The following MRE11 variants were observed in gnomAD, a reference collection of about 807,000 sequenced individuals.
The protein encoded by MRE11 is MRE11 double strand break repair nuclease.
MRE11 carries 62 observed loss-of-function variants against 91.7 expected under a neutral mutation model. That is an observed-to-expected ratio of 0.68 (90% CI 0.55 to 0.84). The LOEUF (loss-of-function observed/expected upper bound fraction) is 0.84, where lower values mean the gene tolerates loss of function less well. Among genes scored for constraint, MRE11 ranks in the 40% least tolerant of loss-of-function variants. The pLI, the probability that MRE11 is intolerant of heterozygous loss-of-function variation, is 0.00. For missense variants in MRE11, 796 were observed against 852.9 expected (o/e 0.93, Z 0.83); for synonymous variants, 273 against 271.4 (o/e 1.01, Z -0.06).
intron 2 of MRE11, among the ~76,000 whole-genome samples, 159 bp from the exon 3 acceptor site, chr11:94,491,124 T>C (rs965165896): frequency 6.6e-6 from 1 of 152,188 alleles, no homozygotes; most frequent in Admixed American, 6.5e-5. Flanking sequence ...TATTCAACGT[T>C]ATCATTAACA....
At chr11:94,464,296 A>C in intron 10 of MRE11, 57 bp from the exon 11 acceptor site, 1 of 1,605,520 alleles carries the variant, frequency 6.2e-7, no homozygotes. Context: ...CAATTTTTAA[A>C]ACACACACTA....
chr11:94,486,955 A>G (rs1947156941), intron 3 of MRE11, among the ~76,000 whole-genome samples: 2 of 152,240 alleles, frequency 1.3e-5, no homozygotes, highest in Non-Finnish European at 2.9e-5. Context: ...CAAGGTATAG[A>G]TCACTGTGCG....
intron 3 of MRE11, among the ~76,000 whole-genome samples, chr11:94,489,825 T>C (rs1947240205): frequency 1.3e-5 from 2 of 152,190 alleles, no homozygotes; most frequent in African/African-American, 4.8e-5. Flanking sequence ...TCTAAGTTTG[T>C]CGAAATCAAA....
chr11:94,445,845 G>C lies in MRE11; in HGVS notation c.1832C>G (p.Ala611Gly). The change falls in exon 16 of 20, where the codon GCT becomes GGT. Residue 611 changes from alanine to glycine, a missense_variant. Ala to Gly is a moderately conservative substitution (Grantham distance 60). Transcript: ENST00000323929. ...AGACATATTTCTAGATGCTGACACAGCAGTCTTTGAGTTCCTGCTACGGGT... is the reference window on the plus strand; with the variant it reads ...AGACATATTTCTAGATGCTGACACACCAGTCTTTGAGTTCCTGCTACGGGT... The part of the protein sequence containing the change: ...TSTRSRNSKT[A>G]VSASRNMSII... The C allele has an allele frequency of 1.2e-6, 2 of 1,613,502 alleles. No homozygotes were observed. Among genetic ancestry groups the C allele is most frequent in the South Asian group, 2.2e-5 (2 of 91,066 alleles).
At chr11:94,493,328 G>A (rs1183683770) in intron 1 of MRE11, among the ~76,000 whole-genome samples, 1 of 152,246 alleles carries the variant, frequency 6.6e-6, no homozygotes, top group East Asian at 1.9e-4. Flanking sequence ...TTTTTTTAAA[G>A]GACCTGGCTA....
At position 94,456,258 on chromosome 11, in the gene MRE11, T is replaced by C. The variant is rs767009936; in HGVS notation, c.1563+18A>G. On this transcript the variant is annotated intron_variant, in intron 14 of 19. Coordinates refer to ENST00000323929, the MANE Select transcript of MRE11 (RefSeq NM_005591.4). Reference sequence around the variant, plus strand: ...GAAAGTGATATATAAACACAAGAATTTGCAGCAGAATAATTACCTCACGGA... The same window carrying C: ...GAAAGTGATATATAAACACAAGAATCTGCAGCAGAATAATTACCTCACGGA... 12 of 1,610,972 alleles carry C rather than the reference T, an allele frequency of 7.4e-6. No individual in the cohort carries two copies. Among genetic ancestry groups the C allele is most frequent in the Non-Finnish European group, 1.0e-5 (12 of 1,177,740 alleles).
intron 3 of MRE11, among the ~76,000 whole-genome samples, chr11:94,487,610 G>GT (rs1947174687): frequency 6.6e-6 from 1 of 152,226 alleles, no homozygotes; most frequent in Admixed American, 6.5e-5. Context: ...CCAAAGTGCT[G>GT]TAACAGACAT....
At chr11:94,463,548 T>C (rs980361047) in intron 11 of MRE11, among the ~76,000 whole-genome samples, 13 of 152,128 alleles carry the variant, frequency 8.5e-5, no homozygotes, top group Admixed American at 2.6e-4. Flanking sequence ...CCATCAATGA[T>C]AGACTGGATT....
chr11:94,426,025 A>T (rs567782910), intron 19 of MRE11, among the ~76,000 whole-genome samples: 1 of 151,958 alleles, frequency 6.6e-6, no homozygotes, highest in South Asian at 2.1e-4. Context: ...GCAGGATACA[A>T]ATTCTTCCCA....
chr11:94,421,927 C>G (rs1042742870), intron 19 of MRE11, among the ~76,000 whole-genome samples: 5 of 152,060 alleles, frequency 3.3e-5, no homozygotes, highest in African/African-American at 9.7e-5. Flanking sequence ...CTTGTTATTT[C>G]AGGGATATAG....
At chr11:94,441,173 C>G (rs951044312) in intron 16 of MRE11, among the ~76,000 whole-genome samples, 2 of 152,116 alleles carry the variant, frequency 1.3e-5, no homozygotes, top group Non-Finnish European at 2.9e-5. Context: ...GAAGCAGTAC[C>G]CTTAAGGTAG....
intron 19 of MRE11, among the ~76,000 whole-genome samples, chr11:94,429,345 G>A (rs562550399): frequency 6.6e-6 from 1 of 152,144 alleles, no homozygotes; most frequent in East Asian, 1.9e-4. Context: ...TATAACCAAA[G>A]GAAAAGAAAT....
At chr11:94,507,188 C>A in the MRE11 span, among the ~76,000 whole-genome samples, 1 of 152,102 alleles carries the variant, frequency 6.6e-6, no homozygotes, top group African/African-American at 2.4e-5. Context: ...CTTTTATTTC[C>A]ATCATTTAGT....
intron 4 of MRE11, among the ~76,000 whole-genome samples, chr11:94,485,706 A>G (rs990594748): frequency 2.0e-5 from 3 of 151,832 alleles, no homozygotes; most frequent in Admixed American, 2.0e-4. Context: ...TCTGGGGCTC[A>G]AGTAATCCTC....
At chr11:94,493,098 A>T (rs992361340) in intron 1 of MRE11, among the ~76,000 whole-genome samples, 192 bp from the exon 2 acceptor site, 2 of 152,126 alleles carry the variant, frequency 1.3e-5, no homozygotes, top group African/African-American at 4.8e-5. Context: ...TCCAGTGTAC[A>T]TCCTGTTTCC....
rs757492041 is a variant in MRE11, at chr11:94,467,860, G to A, written c.1051C>T (p.Arg351Cys). Residue 351 changes from arginine (R) to cysteine (C), a missense_variant, in exon 10 of 20, where the codon CGT becomes TGT. Physicochemically the swap from Arg to Cys is radical, Grantham distance 180 (BLOSUM62 -3). Transcript: ENST00000323929. ...EEMLENAERE[R>C]LGNSHQPEKP... Reference sequence around the variant, plus strand: ...TCTGGCTGGTGAGAATTACCCAGACGTTCCCGTTCAGCATTTTCAAGCATT... The same window carrying A: ...TCTGGCTGGTGAGAATTACCCAGACATTCCCGTTCAGCATTTTCAAGCATT... 3.0e-5 allele frequency: 49 copies of A among 1,613,534 alleles called. No homozygotes were observed. Among genetic ancestry groups the A allele is most frequent in the Middle Eastern group, 1.7e-4 (1 of 5,994 alleles).
intron 6 of MRE11, among the ~76,000 whole-genome samples, chr11:94,477,305 G>A (rs887896792): frequency 2.6e-5 from 4 of 152,068 alleles, no homozygotes; most frequent in African/African-American, 9.7e-5. Context: ...AATATATTGT[G>A]CTTTTTAAAT....
intron 4 of MRE11, among the ~76,000 whole-genome samples, chr11:94,482,814 TG>T (rs1947046023): frequency 6.6e-6 from 1 of 152,122 alleles, no homozygotes; most frequent in Admixed American, 6.5e-5. Context: ...GGTGCACACT[TG>T]TAGTCCCAGC....
chr11:94,443,552 G>C (rs1945843114), intron 16 of MRE11, among the ~76,000 whole-genome samples: 1 of 152,166 alleles, frequency 6.6e-6, no homozygotes, highest in South Asian at 2.1e-4. Flanking sequence ...GAACAAAGTT[G>C]TTCTTAAATC....
Sources: gnomAD v4.1 joint callset for allele counts (sites outside exome capture counted in the v4.1 genomes callset) on GRCh38, gnomAD v4.1.1 for gene constraint, MANE v1.5 for transcripts, NCBI Gene and HGNC (gene_info 2026-07-23, HGNC 2026-07-21) for gene names.